The following ZP1 variants were observed in gnomAD, a reference collection of about 807,000 sequenced individuals.
ZP1 encodes zona pellucida glycoprotein 1.
In ZP1, 58 loss-of-function variants were observed where a neutral mutation model predicts 67.4. The ratio of observed to expected loss-of-function variants is 0.86; its 90% CI spans 0.70 to 1.07. ZP1 has a LOEUF of 1.07. ZP1 is among the 50% of genes least tolerant of loss of function. The probability of loss-of-function intolerance (pLI) is 0.00; values close to 1 mark genes in which losing one functional copy is unlikely to be tolerated. For synonymous variants in ZP1, 333 were observed against 332.7 expected (o/e 1.00, Z -0.01); for missense variants, 759 against 807.3 (o/e 0.94, Z 0.72).
chr11:60,875,294 G>A, intron 11 of ZP1, 46 bp downstream of exon 11: 1 of 1,581,048 alleles, frequency 6.3e-7, no homozygotes, highest in Non-Finnish European at 8.6e-7. Context: ...CCCACTCTCA[G>A]CCCCCAAGAT....
chr11:60,869,953 C>T, intron 3 of ZP1, 53 bp downstream of exon 3: 4 of 1,504,008 alleles, frequency 2.7e-6, no homozygotes, highest in Non-Finnish European at 1.8e-6. Context: ...TTCTGGAGTA[C>T]AGGGTGGCCT....
At position 60,874,926 on chromosome 11, in the gene ZP1, C is replaced by G. The variant is rs772246736; in HGVS notation, c.1573-7C>G. 41 of 1,614,022 alleles carry G rather than the reference C, an allele frequency of 2.5e-5. No individual in the cohort carries two copies. The highest frequency in any genetic ancestry group is 3.3e-5 in the Non-Finnish European group (39 of 1,179,990). Reference sequence around the variant, plus strand: ...CAGCCACTTTGATGTTCTTCTCCTTCCACCAGGTTTACTTGTTCTGCAGCA... The same window carrying G: ...CAGCCACTTTGATGTTCTTCTCCTTGCACCAGGTTTACTTGTTCTGCAGCA... On this transcript the variant is annotated splice_region_variant and splice_polypyrimidine_tract_variant and intron_variant, in intron 9 of 11. Transcript: ENST00000278853.
chr11:60,874,887 C>G (rs758034627), intron 9 of ZP1, 46 bp from the exon 10 acceptor site: 1 of 1,586,314 alleles, frequency 6.3e-7, no homozygotes, highest in Non-Finnish European at 8.7e-7. Context: ...GCTTCCTGCC[C>G]GGTGGCACTG....
chr11:60,868,926 T>C (rs1356376058), intron 1 of ZP1, among the ~76,000 whole-genome samples: 1 of 152,134 alleles, frequency 6.6e-6, no homozygotes, highest in Non-Finnish European at 1.5e-5. Flanking sequence ...CAGGGAACCC[T>C]AGCTAGAAAG....
Position 60,870,989 on chromosome 11 carries a change from G to A in ZP1, c.859G>A (p.Val287Ile), listed in dbSNP as rs759784256. The A allele has an allele frequency of 3.5e-5, 56 of 1,614,012 alleles. No homozygotes were observed. The highest frequency in any genetic ancestry group is 1.6e-4 in the Middle Eastern group (1 of 6,084). ...TVQCFRDGYF[V>I]LVVSQEMALT... ...CCAGTGCTTCAGAGATGGCTACTTC[G>A]TCCTCGTGGTGTCCCAAGAAATGGC... Residue 287 changes from valine to isoleucine, a missense_variant, in exon 5 of 12, where the codon GTC becomes ATC. Physicochemically the swap from Val to Ile is conservative, Grantham distance 29. Coordinates refer to ENST00000278853, the MANE Select transcript of ZP1 (RefSeq NM_207341.4).
intron 4 of ZP1, 22 bp downstream of exon 4, chr11:60,870,497 A>C: frequency 6.3e-7 from 1 of 1,587,450 alleles, no homozygotes; most frequent in Non-Finnish European, 8.6e-7. Context: ...CACCCCAGCA[A>C]GATCCTGGTC....
At chr11:60,870,523 C>G (rs148771163) in intron 4 of ZP1, 48 bp downstream of exon 4, 6 of 1,542,972 alleles carry the variant, frequency 3.9e-6, no homozygotes, top group Middle Eastern at 1.7e-4. Context: ...GATTCTGAAG[C>G]GGAAGGAGAG....
At chr11:60,872,883 C>T (rs1002946818) in intron 6 of ZP1, among the ~76,000 whole-genome samples, 2 of 152,184 alleles carry the variant, frequency 1.3e-5, no homozygotes, top group African/African-American at 2.4e-5. Flanking sequence ...GCCAGCCCCC[C>T]GAGGGCCCAT....
intron 4 of ZP1, 184 bp downstream of exon 4, chr11:60,870,659 G>A: frequency 2.6e-6 from 2 of 756,918 alleles, no homozygotes; most frequent in East Asian, 2.7e-5. Flanking sequence ...TATAACAACT[G>A]TCCCAGGGAA....
rs1351818849 is a variant in ZP1 at position 60,867,654 on chromosome 11, C to T, written c.93C>T (p.Asp31=). The change falls in exon 1 of 12, where the codon GAC becomes GAT. Residue 31 remains aspartate (D), a synonymous_variant. Coordinates refer to ENST00000278853, the MANE Select transcript of ZP1 (RefSeq NM_207341.4). ...GGCTGGGTAGGTGGCTCCAGCCCGA[C>T]CCTGGCCTCCCAGGCCTCCGGCACA... The part of the protein sequence containing the change: ...TLGLGRWLQP[D]PGLPGLRHSY... 6.2e-7 allele frequency: 1 copy of T among 1,614,000 alleles called. No homozygotes were observed. Among genetic ancestry groups the T allele is most frequent in the South Asian group, 1.1e-5 (1 of 91,068 alleles).
intron 6 of ZP1, 142 bp from the exon 7 acceptor site, chr11:60,873,020 A>T: frequency 1.1e-6 from 1 of 910,114 alleles, no homozygotes; most frequent in Non-Finnish European, 1.6e-6. Flanking sequence ...GGAAATGCTG[A>T]GTATTGCTTA....
chr11:60,869,641 C>T lies in ZP1; in HGVS notation c.423C>T (p.Ser141=), dbSNP rs370821277. The T allele has an allele frequency of 6.2e-7, 1 of 1,614,170 alleles. No homozygotes were observed. The highest frequency in any genetic ancestry group is 1.3e-5 in the African/African-American group (1 of 75,020). The change falls in exon 3 of 12, where the codon TCC becomes TCT. Residue 141 remains serine (S), a synonymous_variant. Transcript: ENST00000278853. ...ATLICPKPDP[S]RTLDSQLAPP... ...TGATCTGTCCCAAACCTGACCCCTC[C>T]CGGACTCTGGACTCCCAGCTGGCAC...
chr11:60,870,335 C>T lies in ZP1; in HGVS notation c.686C>T (p.Thr229Ile). The T allele has an allele frequency of 1.2e-6, 2 of 1,601,044 alleles. No homozygotes were observed. Among genetic ancestry groups the T allele is most frequent in the Non-Finnish European group, 1.7e-6 (2 of 1,173,942 alleles). ...CATCACTCTGTCCCAACCCTAGGTA[C>T]CCACCTGAGCCAGGAGCAGTGCCAG... ...WDVNKRDYIG[T>I]HLSQEQCQVA... Residue 229 changes from threonine (T) to isoleucine (I), a missense_variant, in exon 4 of 12, where the codon ACC becomes ATC. Physicochemically the swap from Thr to Ile is moderately conservative, Grantham distance 89. Transcript: ENST00000278853.
intron 6 of ZP1, among the ~76,000 whole-genome samples, chr11:60,871,522 T>G (rs1430537614): frequency 6.6e-6 from 1 of 152,176 alleles, no homozygotes; most frequent in African/African-American, 2.4e-5. Context: ...ACATGAGTGT[T>G]AAGTGGAGCC....
intron 9 of ZP1, among the ~76,000 whole-genome samples, chr11:60,874,598 G>A (rs534760493): frequency 6.6e-6 from 1 of 152,336 alleles, no homozygotes; most frequent in East Asian, 1.9e-4. Context: ...CCTCCCAGGG[G>A]CTGTGCAGCC....
At chr11:60,872,991 A>C in intron 6 of ZP1, 171 bp from the exon 7 acceptor site, 1 of 703,792 alleles carries the variant, frequency 1.4e-6, no homozygotes, top group South Asian at 2.6e-5. Flanking sequence ...GGGCAGGGTG[A>C]GCTTCCTGAG....
Position 60,870,851 on chromosome 11 carries a change from G to A in ZP1, c.827-106G>A, listed in dbSNP as rs561860343. On this transcript the variant is annotated intron_variant, in intron 4 of 11. Coordinates refer to ENST00000278853, the MANE Select transcript of ZP1 (RefSeq NM_207341.4). ...ACACCAGCCTAAGTGGAGAGTAAGC[G>A]TCCATTCTCCTAGACCGGCACTTAA... 45 of 1,269,994 alleles carry A rather than the reference G, an allele frequency of 3.5e-5. 1 individual carries two copies. In the South Asian group the frequency reaches 5.0e-4, roughly 14 times the overall value. The allele number at this position is 1,269,994 out of a possible 1,614,324, so 78.7% of individuals were successfully genotyped here. A position where few individuals can be genotyped will look rare whatever the true frequency, so the allele number is the denominator to read the frequency against.
Position 60,874,967 on chromosome 11 carries a change from C to T in ZP1, c.1607C>T (p.Thr536Ile). The T allele has an allele frequency of 9.3e-6, 15 of 1,614,272 alleles. No individual in the cohort carries two copies. The highest frequency in any genetic ancestry group is 1.1e-5 in the Non-Finnish European group (13 of 1,180,046). ...TTCTGCAGCACCTCTGCCTGCCACACCTCAGGGCTGGAGACTTGCTCCACT... is the reference window on the plus strand; with the variant it reads ...TTCTGCAGCACCTCTGCCTGCCACATCTCAGGGCTGGAGACTTGCTCCACT... ...YLFCSTSACH[T>I]SGLETCSTAC... Residue 536 changes from threonine to isoleucine, a missense_variant, in exon 10 of 12, where the codon ACC becomes ATC. Physicochemically the swap from Thr to Ile is moderately conservative, Grantham distance 89. Coordinates refer to ENST00000278853, the MANE Select transcript of ZP1 (RefSeq NM_207341.4).
In ZP1 at chr11:60,867,739, C is replaced by T; in HGVS notation, c.178C>T (p.Leu60Phe). 1 of 1,613,816 alleles carries T rather than the reference C, an allele frequency of 6.2e-7. No homozygotes were observed. Among genetic ancestry groups the T allele is most frequent in the Non-Finnish European group, 8.5e-7 (1 of 1,179,858 alleles). Reference sequence around the variant, plus strand: ...GGTGTTCCCCAGGCCAGGCCAGACTCTCCGCTTCAAGGTGGTGGGTGAGTG... The same window carrying T: ...GGTGTTCCCCAGGCCAGGCCAGACTTTCCGCTTCAAGGTGGTGGGTGAGTG... ...LLVFPRPGQT[L>F]RFKVVDEFGN... Residue 60 changes from leucine to phenylalanine, a missense_variant, in exon 1 of 12, where the codon CTC becomes TTC. By Grantham distance (22) the Leu-to-Phe change is conservative. Transcript: ENST00000278853.
Sources: allele counts gnomAD v4.1 joint callset (sites outside exome capture counted in the v4.1 genomes callset), GRCh38; gene constraint gnomAD v4.1.1; transcripts MANE v1.5; gene names NCBI Gene and HGNC (gene_info 2026-07-23, HGNC 2026-07-21).